Variants in LARP4B observed in about 807,000 individuals in gnomAD.
The protein encoded by LARP4B is la-related protein 4B.
A neutral mutation model predicts 89.8 loss-of-function variants in LARP4B; 12 were observed. That is an observed-to-expected ratio of 0.13 (90% CI 0.09 to 0.22). The LOEUF (loss-of-function observed/expected upper bound fraction) is 0.22, where lower values mean the gene tolerates loss of function less well. Among genes scored for constraint, LARP4B ranks in the 10% least tolerant of loss-of-function variants. The probability of loss-of-function intolerance (pLI) is 1.00; values close to 1 mark genes in which losing one functional copy is unlikely to be tolerated. For missense variants in LARP4B, 757 were observed against 947.7 expected, an observed-to-expected ratio of 0.80 and a Z score of 2.64; for synonymous variants, 367 against 363.3, an observed-to-expected ratio of 1.01 and a Z score of -0.12.
chr10:987,112 T>C, the LARP4B span: 1 of 149,076 alleles, frequency 6.7e-6, no homozygotes, highest in East Asian at 2.0e-4. Context: ...GCAATAAGTA[T>C]GAGCATAGCT....
At chr10:921,062 T>G (rs1588991871) in intron 1 of LARP4B, among the ~76,000 whole-genome samples, 2 of 152,004 alleles carry the variant, frequency 1.3e-5, no homozygotes, top group South Asian at 4.2e-4. Context: ...TCACCTGAGG[T>G]GGGGAGTTCG....
At chr10:910,727 C>G (rs1049939090) in intron 1 of LARP4B, among the ~76,000 whole-genome samples, 2 of 152,192 alleles carry the variant, frequency 1.3e-5, no homozygotes, top group African/African-American at 4.8e-5. Flanking sequence ...GGATAAAGGA[C>G]TGGCAGATAC....
chr10:855,161 CAA>C (rs1273029538), intron 5 of LARP4B, among the ~76,000 whole-genome samples: 1 of 152,150 alleles, frequency 6.6e-6, no homozygotes, highest in Non-Finnish European at 1.5e-5. Context: ...CTATCCAGAT[CAA>C]AGTTTCTCCA....
chr10:825,707 A>G (rs1209057922), intron 12 of LARP4B, 57 bp downstream of exon 12: 9 of 1,169,704 alleles, frequency 7.7e-6, no homozygotes, highest in South Asian at 2.6e-5. Flanking sequence ...TCTCATCCCA[A>G]CTCCGGAAGG....
At chr10:828,397 A>G (rs1832731100) in intron 11 of LARP4B, among the ~76,000 whole-genome samples, 1 of 152,200 alleles carries the variant, frequency 6.6e-6, no homozygotes, top group Non-Finnish European at 1.5e-5. Flanking sequence ...TGACTTTTCC[A>G]GCCTGAGTTG....
At chr10:908,036 T>A (rs749946135) in intron 1 of LARP4B, among the ~76,000 whole-genome samples, 2 of 152,108 alleles carry the variant, frequency 1.3e-5, no homozygotes, top group Non-Finnish European at 2.9e-5. Flanking sequence ...TGAAACCCCA[T>A]CTCTACTAAA....
intron 2 of LARP4B, 85 bp downstream of exon 2, chr10:885,555 GT>G: frequency 1.1e-6 from 1 of 914,892 alleles, no homozygotes; most frequent in Non-Finnish European, 1.7e-6. Context: ...CAGTGTTCCT[GT>G]TTAGAACTCC....
chr10:899,341 T>A (rs955657131), intron 1 of LARP4B, among the ~76,000 whole-genome samples: 32 of 152,260 alleles, frequency 2.1e-4, no homozygotes, highest in African/African-American at 7.5e-4. Flanking sequence ...AAAACCTCTC[T>A]CCTGAATCTA....
the LARP4B span, among the ~76,000 whole-genome samples, chr10:964,704 A>G: frequency 6.6e-6 from 1 of 152,182 alleles, no homozygotes. Context: ...TCTGAAGATA[A>G]CGCTGTTGGC....
At chr10:951,798 C>T in the LARP4B span, among the ~76,000 whole-genome samples, 1 of 134,094 alleles carries the variant, frequency 7.5e-6, no homozygotes, top group Non-Finnish European at 1.7e-5. Context: ...GAAGAAATCA[C>T]ACCAGCCCAG....
At chr10:939,145 A>C in the LARP4B span, among the ~76,000 whole-genome samples, 1 of 152,220 alleles carries the variant, frequency 6.6e-6, no homozygotes, top group South Asian at 2.1e-4. Flanking sequence ...AGAGGACTCC[A>C]CCCTTCCTGG....
intron 7 of LARP4B, among the ~76,000 whole-genome samples, chr10:842,058 G>A (rs867552383): frequency 6.6e-6 from 1 of 151,902 alleles, no homozygotes; most frequent in South Asian, 2.1e-4. Flanking sequence ...GTGAGTATAG[G>A]CAGTGGACTT....
At chr10:847,659 G>A (rs764147968) in intron 5 of LARP4B, among the ~76,000 whole-genome samples, 8 of 151,820 alleles carry the variant, frequency 5.3e-5, no homozygotes, top group African/African-American at 9.7e-5. Context: ...CCTGAGTAGC[G>A]GGGATTACAG....
downstream of LARP4B, chr10:807,654 C>G (rs767629376): frequency 6.6e-6 from 1 of 152,612 alleles, no homozygotes; most frequent in South Asian, 2.1e-4. Context: ...GGCGGCCCTG[C>G]GGCCCTCCAG....
At chr10:912,195 G>T (rs184443765) in intron 1 of LARP4B, among the ~76,000 whole-genome samples, 214 of 152,182 alleles carry the variant, frequency 1.4e-3, no homozygotes, top group African/African-American at 4.9e-3. Flanking sequence ...TGTAGATCAA[G>T]GGTGTCCAAT....
chr10:860,577 C>G (rs1457563024), intron 5 of LARP4B, among the ~76,000 whole-genome samples: 1 of 152,164 alleles, frequency 6.6e-6, no homozygotes, highest in Non-Finnish European at 1.5e-5. Flanking sequence ...TGAAAACAAT[C>G]CCAAAATCCA....
At chr10:926,468 G>C (rs917016720) in intron 1 of LARP4B, among the ~76,000 whole-genome samples, 2 of 152,190 alleles carry the variant, frequency 1.3e-5, no homozygotes, top group Non-Finnish European at 2.9e-5. Flanking sequence ...CTGATTAAAA[G>C]GTGGGGCAGG....
chr10:850,709 T>C (rs1349997439), intron 5 of LARP4B, among the ~76,000 whole-genome samples: 2 of 152,076 alleles, frequency 1.3e-5, no homozygotes, highest in Non-Finnish European at 1.5e-5. Context: ...AGACAGCCCA[T>C]ATTTGAAGCC....
chr10:965,271 G>A, the LARP4B span, among the ~76,000 whole-genome samples: 1 of 152,320 alleles, frequency 6.6e-6, no homozygotes, highest in South Asian at 2.1e-4. Flanking sequence ...TCAGCGGAAC[G>A]TCCCAAGGAC....
Sources: allele counts gnomAD v4.1 joint callset (sites outside exome capture counted in the v4.1 genomes callset), GRCh38; gene constraint gnomAD v4.1.1; transcripts MANE v1.5; gene names NCBI Gene and HGNC (gene_info 2026-07-23, HGNC 2026-07-21).